Variants in COL4A2 observed in about 807,000 individuals in gnomAD.
COL4A2 encodes the protein collagen alpha-2(IV) chain.
Under a neutral mutation model 200.2 loss-of-function variants are expected in COL4A2, and 99 were observed. That is an observed-to-expected ratio of 0.49 (90% CI 0.42 to 0.58). COL4A2 has a LOEUF of 0.58. COL4A2 is among the 20% of genes least tolerant of loss of function. The pLI is 0.00. For synonymous variants in COL4A2, 897 were observed against 900.6 expected (o/e 1.00, Z 0.07); for missense variants, 1,950 against 2,314.1 (o/e 0.84, Z 3.23).
chr13:110,346,483 T>C (rs1876705008), intron 3 of COL4A2, among the ~76,000 whole-genome samples: 1 of 152,142 alleles, frequency 6.6e-6, no homozygotes, highest in Non-Finnish European at 1.5e-5. Context: ...CCCAGAACTC[T>C]AGTGACCAAG....
intron 4 of COL4A2, among the ~76,000 whole-genome samples, chr13:110,386,214 T>A (rs1319330651): frequency 2.0e-5 from 3 of 152,168 alleles, no homozygotes; most frequent in Admixed American, 6.5e-5. Context: ...GATACACTGG[T>A]TAAAGTGTGT....
Position 110,492,066 on chromosome 13 carries a change from C to A in COL4A2, c.3455-4C>A. 2 of 1,551,250 alleles carry A rather than the reference C, an allele frequency of 1.3e-6. No homozygotes were observed. Among genetic ancestry groups the A allele is most frequent in the Non-Finnish European group, 1.7e-6 (2 of 1,146,768 alleles). Reference sequence around the variant, plus strand: ...CTCAGACTTAATGCTGTGTTCACCCCCAGGCTTTCCAGGGCTGACTGGGCC... The same window carrying A: ...CTCAGACTTAATGCTGTGTTCACCCACAGGCTTTCCAGGGCTGACTGGGCC... On this transcript the variant is annotated splice_polypyrimidine_tract_variant and splice_region_variant and intron_variant, in intron 37 of 47. Transcript: ENST00000360467.
At chr13:110,443,159 CTTT>C (rs1447736865) in intron 16 of COL4A2, among the ~76,000 whole-genome samples, 1 of 152,172 alleles carries the variant, frequency 6.6e-6, no homozygotes, top group Admixed American at 6.5e-5. Flanking sequence ...TGTCTTTAGT[CTTT>C]TATACTAAAT....
rs1300519803 is a variant in COL4A2 at position 110,485,846 on chromosome 13, C to T, written c.3207+10C>T. ...ATTCATAGGAAGCCGGGTGAGTGGG[C>T]GTCTTTTACTCCCCTTGTTCTGTGA... On this transcript the variant is annotated intron_variant, in intron 34 of 47. Coordinates refer to ENST00000360467, the MANE Select transcript of COL4A2 (RefSeq NM_001846.4). 11 of 1,613,014 alleles carry T rather than the reference C, an allele frequency of 6.8e-6. No individual in the cohort carries two copies. The highest frequency in any genetic ancestry group is 6.7e-5 in the East Asian group (3 of 44,842).
chr13:110,477,937 G>C lies in COL4A2; in HGVS notation c.2426-66G>C, dbSNP rs1302047990. The stretch of plus-strand genomic sequence containing the variant: ...CTTTTTACAGAATGAGTGTGTGGAG[G>C]GAGATGCTGTCTGTGATGAACAGTC... On this transcript the variant is annotated intron_variant, in intron 29 of 47. Transcript: ENST00000360467. 3.0e-6 allele frequency: 4 copies of C among 1,341,838 alleles called. No individual in the cohort carries two copies. The East Asian group carries it at 1.1e-4, about 36-fold the overall frequency. 83.1% of individuals were successfully genotyped at this position (1,341,838 alleles called of 1,614,324 possible).
At chr13:110,331,400 T>C (rs1875906979) in intron 3 of COL4A2, among the ~76,000 whole-genome samples, 1 of 152,244 alleles carries the variant, frequency 6.6e-6, no homozygotes, top group Non-Finnish European at 1.5e-5. Context: ...CTAATTTTTC[T>C]GGCTTATTAA....
chr13:110,444,879 C>A (rs915092527), intron 16 of COL4A2, among the ~76,000 whole-genome samples: 1 of 152,182 alleles, frequency 6.6e-6, no homozygotes, highest in African/African-American at 2.4e-5. Flanking sequence ...GAAACAGGGT[C>A]TTGCTGTGTT....
intron 15 of COL4A2, among the ~76,000 whole-genome samples, chr13:110,438,895 C>G (rs536498271): frequency 6.7e-6 from 1 of 148,306 alleles, no homozygotes; most frequent in Non-Finnish European, 1.5e-5. Context: ...TCTTGACACA[C>G]CGTCTTCACC....
chr13:110,500,429 A>G (rs1458177579), intron 40 of COL4A2, among the ~76,000 whole-genome samples: 1 of 152,186 alleles, frequency 6.6e-6, no homozygotes, highest in Non-Finnish European at 1.5e-5. Flanking sequence ...TCAAGTCCAC[A>G]CTGATTTCTA....
At chr13:110,400,781 T>A (rs138765239) in intron 4 of COL4A2, among the ~76,000 whole-genome samples, 1 of 152,196 alleles carries the variant, frequency 6.6e-6, no homozygotes, top group African/African-American at 2.4e-5. Flanking sequence ...TATAGAGATT[T>A]CCTGCCCACG....
intron 40 of COL4A2, among the ~76,000 whole-genome samples, chr13:110,498,751 A>G (rs1883539998): frequency 6.6e-6 from 1 of 152,254 alleles, no homozygotes; most frequent in African/African-American, 2.4e-5. Flanking sequence ...CGTGTAGCTC[A>G]GAACACCCCT....
intron 6 of COL4A2, 38 bp from the exon 7 acceptor site, chr13:110,428,429 T>C: frequency 8.0e-7 from 1 of 1,242,916 alleles, no homozygotes; most frequent in Non-Finnish European, 1.1e-6. Context: ...ACTAGAAGCC[T>C]GCTGGTTGGC....
At position 110,498,950 on chromosome 13, in the gene COL4A2, T is replaced by G. The variant is rs542599877; in HGVS notation, c.3761-2718T>G. Among the ~76,000 whole-genome samples, 250 of 152,178 alleles carry G rather than the reference T, an allele frequency of 1.6e-3. 1 individual carries two copies. Among genetic ancestry groups the G allele is most frequent in the Non-Finnish European group, 2.4e-3 (166 of 68,032 alleles). On this transcript the variant is annotated intron_variant, in intron 40 of 47. Coordinates refer to ENST00000360467, the MANE Select transcript of COL4A2 (RefSeq NM_001846.4). Reference sequence around the variant, plus strand: ...CCCCCACCCTCGACCTGCATGAACGTCACAGTGGGCCCATGAGCTGATGAC... The same window carrying G: ...CCCCCACCCTCGACCTGCATGAACGGCACAGTGGGCCCATGAGCTGATGAC...
chr13:110,348,727 A>T lies in COL4A2; in HGVS notation c.100-8745A>T, dbSNP rs570375133. On this transcript the variant is annotated intron_variant, in intron 3 of 47. Transcript: ENST00000360467. ...GATGATAACTTTTTAACAATAGGTA[A>T]TGTTGATCTTGTTTGTCACTTGGCG... Among the ~76,000 whole-genome samples the T allele has an allele frequency of 1.8e-3, 280 of 151,902 alleles. 1 individual carries two copies. Among genetic ancestry groups the T allele is most frequent in the African/African-American group, 6.4e-3 (263 of 41,410 alleles).
chr13:110,427,229 A>C (rs1880502008), intron 6 of COL4A2, among the ~76,000 whole-genome samples: 1 of 152,198 alleles, frequency 6.6e-6, no homozygotes, highest in Admixed American at 6.5e-5. Flanking sequence ...AGCTCACTGC[A>C]ACCTCTGCCA....
intron 3 of COL4A2, among the ~76,000 whole-genome samples, chr13:110,324,668 G>T (rs1204504179): frequency 6.6e-6 from 1 of 152,236 alleles, no homozygotes; most frequent in African/African-American, 2.4e-5. Flanking sequence ...TGGTGCTGCT[G>T]CCCAGGGTGC....
chr13:110,415,581 C>A (rs181711494), intron 4 of COL4A2, among the ~76,000 whole-genome samples: 1 of 152,310 alleles, frequency 6.6e-6, no homozygotes, highest in African/African-American at 2.4e-5. Flanking sequence ...TTTGTATTAT[C>A]GTAGCGGAAC....
chr13:110,371,244 A>G (rs1425087158), intron 4 of COL4A2, among the ~76,000 whole-genome samples: 1 of 152,220 alleles, frequency 6.6e-6, no homozygotes, highest in African/African-American at 2.4e-5. Context: ...TATTGCATAG[A>G]ATTAGTTATT....
At chr13:110,327,171 A>G (rs1885439105) in intron 3 of COL4A2, among the ~76,000 whole-genome samples, 1 of 152,120 alleles carries the variant, frequency 6.6e-6, no homozygotes, top group East Asian at 1.9e-4. Flanking sequence ...GCCTGTCCCC[A>G]GCACACACAC....
Sources: gnomAD v4.1 joint callset for allele counts (sites outside exome capture counted in the v4.1 genomes callset) on GRCh38, gnomAD v4.1.1 for gene constraint, MANE v1.5 for transcripts, NCBI Gene and HGNC (gene_info 2026-07-23, HGNC 2026-07-21) for gene names.